GRIK4: variants seen among roughly 807,000 people sequenced by gnomAD.
The protein encoded by GRIK4 is glutamate receptor ionotropic, kainate 4.
GRIK4 carries 40 observed loss-of-function variants against 104.9 expected under a neutral mutation model. The ratio of observed to expected loss-of-function variants is 0.38; its 90% CI spans 0.30 to 0.50. The LOEUF is 0.50. GRIK4 is among the 20% of genes least tolerant of loss of function. The pLI is 0.93. For synonymous variants in GRIK4, 485 were observed against 524.9 expected, an observed-to-expected ratio of 0.92 and a Z score of 1.04; for missense variants, 1,047 against 1,308.1, an observed-to-expected ratio of 0.80 and a Z score of 3.08.
Position 120,964,078 on chromosome 11 carries a change from C to T in GRIK4, c.2266+1397C>T, listed in dbSNP as rs562914909. On this transcript the variant is annotated intron_variant, in intron 18 of 20. Transcript: ENST00000527524. ...CACTATCTAGGCTCACTGCAACCTC[C>T]GCCTCCCACTTCAAGTGATTCTCAT... Among the ~76,000 whole-genome samples the T allele has an allele frequency of 1.6e-4, 24 of 151,912 alleles. No individual in the cohort carries two copies. The South Asian group carries it at 4.6e-3, about 29-fold the overall frequency.
intron 3 of GRIK4, among the ~76,000 whole-genome samples, chr11:120,668,309 AAAG>A (rs1304480842): frequency 2.0e-5 from 3 of 151,614 alleles, no homozygotes; most frequent in African/African-American, 4.9e-5. Context: ...AAAGAAAAGA[AAAG>A]AAGAAAGGAA....
At chr11:120,974,875 T>C (rs1425486340) in intron 19 of GRIK4, among the ~76,000 whole-genome samples, 1 of 152,174 alleles carries the variant, frequency 6.6e-6, no homozygotes, top group African/African-American at 2.4e-5. Context: ...GCCTTTTCTT[T>C]TCAAAAAACA....
At chr11:120,584,482 G>A (rs1435484658) in intron 1 of GRIK4, among the ~76,000 whole-genome samples, 1 of 152,210 alleles carries the variant, frequency 6.6e-6, no homozygotes, top group Non-Finnish European at 1.5e-5. Flanking sequence ...GTTACATGGT[G>A]AAAGTGGGAG....
chr11:120,647,620 C>T (rs543721257), intron 1 of GRIK4, among the ~76,000 whole-genome samples: 1 of 152,266 alleles, frequency 6.6e-6, no homozygotes, highest in Non-Finnish European at 1.5e-5. Flanking sequence ...TGGAAGGTCT[C>T]TCCCCACCCG....
intron 3 of GRIK4, among the ~76,000 whole-genome samples, chr11:120,765,237 C>T (rs1951815627): frequency 6.6e-6 from 1 of 151,592 alleles, no homozygotes; most frequent in Non-Finnish European, 1.5e-5. Flanking sequence ...CTTTCTTCTG[C>T]TTGATCGGTT....
At chr11:120,516,421 G>GCGCTCCC (rs1947724775) in intron 1 of GRIK4, among the ~76,000 whole-genome samples, 2 of 152,166 alleles carry the variant, frequency 1.3e-5, no homozygotes, top group Middle Eastern at 3.2e-3. Flanking sequence ...TCGGGCACAG[G>GCGCTCCC]ACGAGGCAAG....
chr11:120,674,785 G>C (rs1950073176), intron 3 of GRIK4, among the ~76,000 whole-genome samples: 1 of 152,220 alleles, frequency 6.6e-6, no homozygotes, highest in African/African-American at 2.4e-5. Context: ...TATAGCCCTG[G>C]GGGCCCCCAC....
At chr11:120,978,268 G>A (rs1944594381) in intron 19 of GRIK4, among the ~76,000 whole-genome samples, 1 of 152,190 alleles carries the variant, frequency 6.6e-6, no homozygotes, top group Non-Finnish European at 1.5e-5. Context: ...ATGCATAATA[G>A]TGATAAACAA....
intron 3 of GRIK4, among the ~76,000 whole-genome samples, chr11:120,708,485 T>C (rs1219397846): frequency 6.6e-6 from 1 of 151,832 alleles, no homozygotes. Context: ...CGGGGCTGAG[T>C]GTGGGGCTCG....
At chr11:120,936,849 C>T (rs1279981697) in intron 13 of GRIK4, among the ~76,000 whole-genome samples, 1 of 151,932 alleles carries the variant, frequency 6.6e-6, no homozygotes, top group Non-Finnish European at 1.5e-5. Flanking sequence ...CCTCCCTGGC[C>T]TGGCCCCCAC....
chr11:120,637,368 G>A (rs930127325), intron 1 of GRIK4, among the ~76,000 whole-genome samples: 1 of 152,100 alleles, frequency 6.6e-6, no homozygotes, highest in African/African-American at 2.4e-5. Flanking sequence ...TTCCCCCCTG[G>A]CACTTGGCAA....
intron 3 of GRIK4, among the ~76,000 whole-genome samples, chr11:120,736,476 C>T (rs939177077): frequency 6.6e-6 from 1 of 152,028 alleles, no homozygotes; most frequent in African/African-American, 2.4e-5. Context: ...CTAAGCCCAG[C>T]ACAGCATCAG....
intron 3 of GRIK4, among the ~76,000 whole-genome samples, chr11:120,738,734 G>T (rs769041077): frequency 4.6e-5 from 7 of 152,188 alleles, no homozygotes; most frequent in Non-Finnish European, 1.0e-4. Context: ...GATCAAAGCC[G>T]TCAGCTGGGA....
chr11:120,646,583 T>C (rs1173189672), intron 1 of GRIK4, among the ~76,000 whole-genome samples: 1 of 152,212 alleles, frequency 6.6e-6, no homozygotes, highest in Non-Finnish European at 1.5e-5. Context: ...GATTAAAACA[T>C]CCTCTGTAGG....
chr11:120,580,233 TTCTTTCTTTC>T (rs1376424564), intron 1 of GRIK4, among the ~76,000 whole-genome samples: 1 of 145,192 alleles, frequency 6.9e-6, no homozygotes, highest in Admixed American at 6.7e-5. Context: ...CTTTCTTTCT[TTCTTTCTTTC>T]TTTCTTTCTT....
intron 6 of GRIK4, among the ~76,000 whole-genome samples, chr11:120,827,549 G>A (rs1184211648): frequency 6.6e-6 from 1 of 152,226 alleles, no homozygotes; most frequent in African/African-American, 2.4e-5. Context: ...TGTGATGGCA[G>A]CTGCCTTTGG....
chr11:120,613,801 G>A (rs1376632585), intron 1 of GRIK4, among the ~76,000 whole-genome samples: 1 of 152,166 alleles, frequency 6.6e-6, no homozygotes. Flanking sequence ...AGTCAGGTGT[G>A]GGGTGAGCTT....
intron 3 of GRIK4, among the ~76,000 whole-genome samples, chr11:120,725,418 C>G (rs563407886): frequency 6.6e-6 from 1 of 152,248 alleles, no homozygotes; most frequent in South Asian, 2.1e-4. Flanking sequence ...CTAGTGTTGC[C>G]AAGGAAGAAG....
rs748849376 is a variant in GRIK4, at chr11:120,986,246, A to T, written c.2857A>T (p.Ser953Cys). 7.7e-5 allele frequency: 120 copies of T among 1,549,014 alleles called. No individual in the cohort carries two copies. The East Asian group carries it at 3.1e-3, about 40-fold the overall frequency. ...SLEWEKTTNS[S>C]EPE is the part of the protein sequence containing the mutation. ...GGAGTGGGAGAAAACCACCAACAGC[A>T]GCGAGCCCGAGTAGTCCCGGAGGCC... The change falls in exon 21 of 21, where the codon AGC (serine) becomes TGC (cysteine). Residue 953 changes from serine to cysteine, a missense_variant. By Grantham distance (112) the Ser-to-Cys change is moderately radical. Coordinates refer to ENST00000527524, the MANE Select transcript of GRIK4 (RefSeq NM_014619.5).
Sources: allele counts gnomAD v4.1 joint callset (sites outside exome capture counted in the v4.1 genomes callset), GRCh38; gene constraint gnomAD v4.1.1; transcripts MANE v1.5; gene names NCBI Gene and HGNC (gene_info 2026-07-23, HGNC 2026-07-21).